FAM53B: variants seen among roughly 807,000 people sequenced by gnomAD.
The protein encoded by FAM53B is protein FAM53B.
A neutral mutation model predicts 32.7 loss-of-function variants in FAM53B; 12 were observed. The ratio of observed to expected loss-of-function variants is 0.37; its 90% CI spans 0.24 to 0.59. The LOEUF is 0.59. Ranked by LOEUF, FAM53B falls within the 20% of genes least tolerant of loss-of-function variation. The pLI, the probability that FAM53B is intolerant of heterozygous loss-of-function variation, is 0.72. For missense variants in FAM53B, 477 were observed against 577.7 expected (o/e 0.83, Z 1.79); for synonymous variants, 234 against 228.7 (o/e 1.02, Z -0.21).
At chr10:124,721,570 A>G (rs1950068839) in intron 1 of FAM53B, among the ~76,000 whole-genome samples, 1 of 152,240 alleles carries the variant, frequency 6.6e-6, no homozygotes, top group Non-Finnish European at 1.5e-5. Context: ...CAGAGACCAC[A>G]CTGGGCCAGG....
At chr10:124,663,325 C>T (rs577039552) in intron 4 of FAM53B, among the ~76,000 whole-genome samples, 1 of 152,338 alleles carries the variant, frequency 6.6e-6, no homozygotes, top group Non-Finnish European at 1.5e-5. Context: ...TGACATGAAC[C>T]ACACTGCCCT....
At chr10:124,662,224 CACA>C (rs138821058) in intron 4 of FAM53B, among the ~76,000 whole-genome samples, 183 of 152,364 alleles carry the variant, frequency 1.2e-3, no homozygotes, top group Non-Finnish European at 2.1e-3. Context: ...GTAAAACAAG[CACA>C]ACAATACCCA....
intron 4 of FAM53B, among the ~76,000 whole-genome samples, chr10:124,635,958 G>A (rs1949428322): frequency 6.6e-6 from 1 of 152,180 alleles, no homozygotes; most frequent in African/African-American, 2.4e-5. Context: ...TGCTTATATT[G>A]TAAAAAGGAG....
Position 124,680,751 on chromosome 10 carries a change from C to T in FAM53B, c.906+856G>A, listed in dbSNP as rs188386367. Among the ~76,000 whole-genome samples, 6 of 152,240 alleles carry T rather than the reference C, an allele frequency of 3.9e-5. No individual in the cohort carries two copies. In the East Asian group the frequency reaches 5.8e-4, roughly 15 times the overall value. On this transcript the variant is annotated intron_variant, in intron 4 of 4. Transcript: ENST00000337318. ...AGTCCAGAAAAGATGATGGTCAGAC[C>T]GTGGCATTAAGCAACCGATGGCCTC...
rs574976164 is a variant in FAM53B at position 124,725,765 on chromosome 10, G to A, written c.-175+18248C>T. Among the ~76,000 whole-genome samples, 13 of 152,340 alleles carry A rather than the reference G, an allele frequency of 8.5e-5. No homozygotes were observed. In the East Asian group the frequency reaches 1.2e-3, roughly 14 times the overall value. On this transcript the variant is annotated intron_variant, in intron 1 of 4. Transcript: ENST00000337318. ...AAATAAATGTGTCTCCAACTATCAC[G>A]GTGAGAGTGTGAGGACAGCTTCCAT... is the stretch of plus-strand genomic sequence containing the variant.
At chr10:124,704,345 C>T (rs901500307) in intron 2 of FAM53B, 1 of 152,240 alleles carries the variant, frequency 6.6e-6, no homozygotes, top group African/African-American at 2.4e-5. Context: ...AGAGAGACAT[C>T]CTCTGCTTTC....
chr10:124,665,485 G>C (rs1341869284), intron 4 of FAM53B, among the ~76,000 whole-genome samples: 1 of 152,212 alleles, frequency 6.6e-6, no homozygotes, highest in Non-Finnish European at 1.5e-5. Flanking sequence ...GCCAGTGCTA[G>C]GCCCTGCACA....
intron 3 of FAM53B, among the ~76,000 whole-genome samples, chr10:124,687,381 T>C (rs1949809174): frequency 6.6e-6 from 1 of 151,998 alleles, no homozygotes; most frequent in African/African-American, 2.4e-5. Context: ...CAACAGTCAC[T>C]TGGTGTAGTG....
At chr10:124,713,288 T>C (rs1298920155) in intron 1 of FAM53B, 1 of 152,242 alleles carries the variant, frequency 6.6e-6, no homozygotes, top group Non-Finnish European at 1.5e-5. Context: ...CCCAATATCA[T>C]ACATCTAGCA....
chr10:124,693,769 G>A (rs548282254), intron 3 of FAM53B, among the ~76,000 whole-genome samples: 2 of 152,310 alleles, frequency 1.3e-5, no homozygotes, highest in African/African-American at 4.8e-5. Flanking sequence ...TAGCTCAAGG[G>A]CCTCCACATC....
At position 124,683,688 on chromosome 10, in the gene FAM53B, C is replaced by T. The variant is rs567308756; in HGVS notation, c.134-1309G>A. ...AACCCAGCTTAGTCAGGCCCCAGAG[C>T]GCAGGCCCTTTTCACTACACTGCAG... On this transcript the variant is annotated intron_variant, in intron 3 of 4. Coordinates refer to ENST00000337318, the MANE Select transcript of FAM53B (RefSeq NM_014661.4). Among the ~76,000 whole-genome samples the T allele has an allele frequency of 3.9e-5, 6 of 152,288 alleles. No individual in the cohort carries two copies. In the East Asian group the frequency reaches 1.2e-3, roughly 29 times the overall value.
chr10:124,690,069 G>A (rs867831870), intron 3 of FAM53B, among the ~76,000 whole-genome samples: 8 of 152,216 alleles, frequency 5.3e-5, no homozygotes, highest in Middle Eastern at 3.2e-3. Context: ...CAAGTGAAAC[G>A]GGCAGCTGCT....
intron 3 of FAM53B, among the ~76,000 whole-genome samples, chr10:124,694,913 C>T (rs1286722203): frequency 6.6e-6 from 1 of 152,214 alleles, no homozygotes; most frequent in African/African-American, 2.4e-5. Flanking sequence ...CTCCCTTCGT[C>T]ACCCACCTGA....
intron 1 of FAM53B, among the ~76,000 whole-genome samples, chr10:124,718,228 G>A (rs569061795): frequency 6.6e-6 from 1 of 152,192 alleles, no homozygotes; most frequent in Admixed American, 6.5e-5. Flanking sequence ...AGGCACGAGA[G>A]GCACCAGGTT....
chr10:124,653,388 G>C (rs944144674), intron 4 of FAM53B, among the ~76,000 whole-genome samples: 6 of 152,172 alleles, frequency 3.9e-5, no homozygotes, highest in African/African-American at 1.4e-4. Context: ...TCTGGCGTGG[G>C]GACCCTGATG....
intron 4 of FAM53B, among the ~76,000 whole-genome samples, chr10:124,624,985 G>A (rs1949337049): frequency 6.6e-6 from 1 of 152,206 alleles, no homozygotes. Context: ...CCAGCAGATG[G>A]GTGGGGACTG....
chr10:124,676,832 T>C (rs1238608301), intron 4 of FAM53B, among the ~76,000 whole-genome samples: 61 of 152,134 alleles, frequency 4.0e-4, no homozygotes, highest in Non-Finnish European at 4.4e-5. Flanking sequence ...TCATGCTTCT[T>C]TTCTACCCCA....
chr10:124,657,033 T>C (rs1564869578), intron 4 of FAM53B, among the ~76,000 whole-genome samples: 1 of 147,342 alleles, frequency 6.8e-6, no homozygotes, highest in Non-Finnish European at 1.5e-5. Context: ...GAACTTAAAG[T>C]ATAAATATAT....
intron 4 of FAM53B, among the ~76,000 whole-genome samples, chr10:124,676,141 C>G (rs1377059065): frequency 6.6e-6 from 1 of 152,368 alleles, no homozygotes; most frequent in East Asian, 1.9e-4. Context: ...CTAACTATCT[C>G]TAAGTCAGAA....
Sources: allele counts gnomAD v4.1 joint callset (sites outside exome capture counted in the v4.1 genomes callset), GRCh38; gene constraint gnomAD v4.1.1; transcripts MANE v1.5; gene names NCBI Gene and HGNC (gene_info 2026-07-23, HGNC 2026-07-21).